The following PPP2R5C variants were observed in gnomAD, a reference collection of about 807,000 sequenced individuals.
PPP2R5C encodes the protein protein phosphatase 2 regulatory subunit B'gamma.
In PPP2R5C, 7 loss-of-function variants were observed where a neutral mutation model predicts 68.9. That is an observed-to-expected ratio of 0.10 (90% CI 0.06 to 0.19). The LOEUF (loss-of-function observed/expected upper bound fraction) is 0.19, where lower values mean the gene tolerates loss of function less well. Ranked by LOEUF, PPP2R5C falls within the 10% of genes least tolerant of loss-of-function variation. PPP2R5C has a pLI of 1.00. For synonymous variants in PPP2R5C, 210 were observed against 222.2 expected (o/e 0.95, Z 0.49); for missense variants, 348 against 641.3 (o/e 0.54, Z 4.94).
intron 5 of PPP2R5C, among the ~76,000 whole-genome samples, chr14:101,889,265 G>C (rs1324829727): frequency 6.6e-6 from 1 of 152,122 alleles, no homozygotes; most frequent in African/African-American, 2.4e-5. Context: ...CATCTGATGG[G>C]CAGGGATCTT....
At chr14:101,790,963 C>G (rs533655658) in intron 3 of PPP2R5C, among the ~76,000 whole-genome samples, 102 of 152,248 alleles carry the variant, frequency 6.7e-4, no homozygotes, top group African/African-American at 2.5e-3. Flanking sequence ...GCTTGTAGCC[C>G]CAGCTACTCG....
intron 1 of PPP2R5C, among the ~76,000 whole-genome samples, chr14:101,816,824 T>C (rs1280399231): frequency 6.8e-6 from 1 of 147,118 alleles, no homozygotes; most frequent in African/African-American, 2.5e-5. Flanking sequence ...CTATGGAGAT[T>C]TTAACTTTTT....
At position 101,891,094 on chromosome 14, in the gene PPP2R5C, G is replaced by A. The variant is rs545774408; in HGVS notation, c.689+798G>A. On this transcript the variant is annotated intron_variant, in intron 6 of 13. Coordinates refer to ENST00000334743, the Ensembl canonical transcript of PPP2R5C. The surrounding 1 kb of genome is among the most constrained non-coding windows in gnomAD (Gnocchi z 4.9). ...GCCACTTTTATTTAATTGATAACCC[G>A]TAGATTTTATATTAGACCTTCTAAC... Among the ~76,000 whole-genome samples, 20 of 152,188 alleles carry A rather than the reference G, an allele frequency of 1.3e-4. No individual in the cohort carries two copies. Among genetic ancestry groups the A allele is most frequent in the African/African-American group, 4.3e-4 (18 of 41,524 alleles).
At chr14:101,817,860 C>T (rs1229338076) in intron 1 of PPP2R5C, among the ~76,000 whole-genome samples, 1 of 152,184 alleles carries the variant, frequency 6.6e-6, no homozygotes, top group Non-Finnish European at 1.5e-5. Context: ...CCTGGAGTGT[C>T]GTGAGACTCA....
intron 1 of PPP2R5C, among the ~76,000 whole-genome samples, chr14:101,810,603 C>A (rs1053490818): frequency 6.6e-6 from 1 of 152,090 alleles, no homozygotes; most frequent in African/African-American, 2.4e-5. Flanking sequence ...TGAAATCTAT[C>A]GTGGGTCATC....
intron 9 of PPP2R5C, among the ~76,000 whole-genome samples, chr14:101,905,857 C>A (rs1006283814): frequency 3.3e-5 from 5 of 152,108 alleles, no homozygotes; most frequent in African/African-American, 1.2e-4. Flanking sequence ...GTCACCTCCT[C>A]CCCATTGAAG....
intron 2 of PPP2R5C, among the ~76,000 whole-genome samples, chr14:101,785,102 A>G (rs1418971471): frequency 1.3e-5 from 2 of 152,114 alleles, no homozygotes; most frequent in Non-Finnish European, 2.9e-5. Flanking sequence ...CCTGGGAATG[A>G]GCACGCACAC....
At chr14:101,771,222 C>CTGTGT (rs373554849) in intron 2 of PPP2R5C, among the ~76,000 whole-genome samples, 38 of 135,490 alleles carry the variant, frequency 2.8e-4, no homozygotes, top group East Asian at 2.5e-3. Flanking sequence ...TTCTTCATCT[C>CTGTGT]GTGTGTGTGT....
intron 2 of PPP2R5C, among the ~76,000 whole-genome samples, chr14:101,861,398 A>G (rs1438582292): frequency 3.9e-5 from 6 of 152,210 alleles, no homozygotes; most frequent in East Asian, 1.9e-4. Flanking sequence ...AACTATTTCC[A>G]TCATACTGCT....
chr14:101,765,324 A>C (rs1007205532), intron 2 of PPP2R5C: 1 of 694,300 alleles, frequency 1.4e-6, no homozygotes, highest in African/African-American at 1.8e-5. Context: ...AAGTTGGGAC[A>C]CTTCTGTTCA....
At chr14:101,847,453 T>C (rs2041897969) in intron 1 of PPP2R5C, among the ~76,000 whole-genome samples, 1 of 152,152 alleles carries the variant, frequency 6.6e-6, no homozygotes, top group Non-Finnish European at 1.5e-5. Context: ...TCTCCTCAGC[T>C]GTGGTTCCTG....
At chr14:101,907,113 A>C (rs1042799750) in intron 10 of PPP2R5C, among the ~76,000 whole-genome samples, 44 of 152,306 alleles carry the variant, frequency 2.9e-4, no homozygotes, top group African/African-American at 1.0e-3. Context: ...AGACTTTAAA[A>C]GGAAACTGTT....
At chr14:101,805,198 T>C (rs192472224), upstream of PPP2R5C, among the ~76,000 whole-genome samples, 22 of 152,244 alleles carry the variant, frequency 1.4e-4, no homozygotes, top group African/African-American at 5.3e-4. Flanking sequence ...CCTGAGTAGC[T>C]GGGCCTACAG....
At chr14:101,840,932 A>G (rs895457525) in intron 1 of PPP2R5C, among the ~76,000 whole-genome samples, 4 of 152,230 alleles carry the variant, frequency 2.6e-5, no homozygotes, top group Admixed American at 1.3e-4. Flanking sequence ...TGCTTCCATT[A>G]GTTGCTTCTG....
intron 2 of PPP2R5C, 107 bp from the exon 3 acceptor site, chr14:101,785,911 G>A (rs923951113): frequency 2.9e-6 from 3 of 1,030,868 alleles, no homozygotes; most frequent in Admixed American, 7.4e-5. Context: ...TGGAGTGAAG[G>A]GGAATGCCCC....
At chr14:101,912,355 G>A in intron 11 of PPP2R5C, 46 bp from the exon 14 acceptor site, 1 of 1,508,522 alleles carries the variant, frequency 6.6e-7, no homozygotes, top group Non-Finnish European at 8.9e-7. Flanking sequence ...GTGTGTTCTT[G>A]TGTCTGATGC....
chr14:101,896,126 TC>T (rs2045308505), intron 8 of PPP2R5C, among the ~76,000 whole-genome samples: 1 of 152,106 alleles, frequency 6.6e-6, no homozygotes, highest in African/African-American at 2.4e-5. Context: ...TTCAAGCGAT[TC>T]TCCTATCTCA....
In PPP2R5C at chr14:101,882,151, T is replaced by C; in HGVS notation, c.295-10T>C. 3.2e-6 allele frequency: 5 copies of C among 1,567,246 alleles called. No homozygotes were observed. The highest frequency in any genetic ancestry group is 1.7e-6 in the Non-Finnish European group (2 of 1,149,114). On this transcript the variant is annotated splice_polypyrimidine_tract_variant and intron_variant, in intron 2 of 13. Coordinates refer to ENST00000334743, the Ensembl canonical transcript of PPP2R5C. This position sits in a 1 kb window ranked among gnomAD's most constrained non-coding sequence, Gnocchi z 4.9. ...GCCCTGATTGTAATTATAGAATATG[T>C]GGATTTTAGTTTGCAGTTAACATGT...
intron 1 of PPP2R5C, among the ~76,000 whole-genome samples, chr14:101,851,173 G>A (rs1424917960): frequency 6.6e-6 from 1 of 152,148 alleles, no homozygotes; most frequent in East Asian, 1.9e-4. Context: ...GCTCACACCC[G>A]TCATCCCAAC....
Sources: gnomAD v4.1 joint callset for allele counts (sites outside exome capture counted in the v4.1 genomes callset) on GRCh38, gnomAD v4.1.1 for gene constraint, Gnocchi (gnomAD v3.1) non-coding constraint, MANE v1.5 for transcripts, NCBI Gene and HGNC (gene_info 2026-07-23, HGNC 2026-07-21) for gene names.